CD84: variants seen among roughly 807,000 people sequenced by gnomAD.
CD84 encodes the protein SLAM family member 5.
A neutral mutation model predicts 33.8 loss-of-function variants in CD84; 22 were observed. That is an observed-to-expected ratio of 0.65 (90% CI 0.46 to 0.93). CD84 has a LOEUF of 0.93. CD84 is among the 40% of genes least tolerant of loss of function. CD84 has a pLI of 0.00. For missense variants in CD84, 400 were observed against 397.6 expected, an observed-to-expected ratio of 1.01 and a Z score of -0.05; for synonymous variants, 154 against 145.2, an observed-to-expected ratio of 1.06 and a Z score of -0.44.
At chr1:160,560,391 T>A (rs954504730) in intron 2 of CD84, among the ~76,000 whole-genome samples, 2 of 152,200 alleles carry the variant, frequency 1.3e-5, no homozygotes, top group Non-Finnish European at 2.9e-5. Flanking sequence ...TGTTCCTGAA[T>A]GACTCTTGGG....
At chr1:160,579,086 C>A (rs944817291) in intron 1 of CD84, among the ~76,000 whole-genome samples, 1 of 152,076 alleles carries the variant, frequency 6.6e-6, no homozygotes, top group Admixed American at 6.6e-5. Flanking sequence ...TTTTGCCAGG[C>A]TTTTTGGGTG....
intron 4 of CD84, among the ~76,000 whole-genome samples, chr1:160,552,009 A>T (rs1177110981): frequency 1.3e-5 from 2 of 152,214 alleles, no homozygotes; most frequent in Non-Finnish European, 2.9e-5. Context: ...CTAACACAGA[A>T]CATTTTAGGG....
chr1:160,565,115 C>T (rs1657234979), intron 2 of CD84, among the ~76,000 whole-genome samples: 1 of 151,928 alleles, frequency 6.6e-6, no homozygotes, highest in Admixed American at 6.6e-5. Flanking sequence ...TCATTTGATC[C>T]TCATGATAAC....
intron 1 of CD84, among the ~76,000 whole-genome samples, chr1:160,569,333 G>A (rs1045280178): frequency 2.6e-5 from 4 of 151,850 alleles, no homozygotes; most frequent in Admixed American, 2.6e-4. Flanking sequence ...ATTTTTCTGG[G>A]TGCTAAAGGG....
In CD84 at chr1:160,579,377, A is replaced by G; in HGVS notation, c.46+15T>C. ...ATGGAAAACTAGGAGGCGATCAGCA[A>G]GGGTCAGAACTCACAGGTTTGCAGG... On this transcript the variant is annotated intron_variant, in intron 1 of 6. Transcript: ENST00000368054. 1 of 1,613,106 alleles carries G rather than the reference A, an allele frequency of 6.2e-7. No individual in the cohort carries two copies.
intron 2 of CD84, among the ~76,000 whole-genome samples, chr1:160,560,225 T>C (rs1232590363): frequency 2.0e-5 from 3 of 152,114 alleles, no homozygotes; most frequent in African/African-American, 4.8e-5. Context: ...TACTTTAAAA[T>C]TGATCACATA....
At chr1:160,567,451 T>C (rs939555170) in intron 1 of CD84, among the ~76,000 whole-genome samples, 2 of 152,070 alleles carry the variant, frequency 1.3e-5, no homozygotes, top group African/African-American at 4.8e-5. Context: ...GTTGGCTAAG[T>C]ACAGAAGATA....
intron 4 of CD84, chr1:160,552,973 GTA>G: frequency 1.7e-6 from 1 of 583,108 alleles, no homozygotes; most frequent in Non-Finnish European, 3.1e-6. Context: ...TACAGGATTA[GTA>G]TATGTTTCTC....
chr1:160,548,310 G>A lies in CD84; in HGVS notation c.933C>T (p.Ala311=). ...EVQFADKMGK[A]STQDSKPPGT... is the part of the protein sequence containing the mutation. ...CAGGAGGTTTACTGTCCTGTGTGCT[G>A]GCTTTCCCCATCTGTGCAGGAGAGA... Residue 311 remains alanine (A), a synonymous_variant, in exon 7 of 7, where the codon GCC becomes GCT. Transcript: ENST00000368054. 1 of 1,614,162 alleles carries A rather than the reference G, an allele frequency of 6.2e-7. No homozygotes were observed. Among genetic ancestry groups the A allele is most frequent in the Non-Finnish European group, 8.5e-7 (1 of 1,180,024 alleles).
Position 160,548,236 on chromosome 1 carries a change from G to A in CD84, c.*20C>T, listed in dbSNP as rs753392964. The A allele has an allele frequency of 1.9e-6, 3 of 1,613,598 alleles. No individual in the cohort carries two copies. Among genetic ancestry groups the A allele is most frequent in the South Asian group, 1.1e-5 (1 of 91,074 alleles). On this transcript the variant is annotated 3_prime_UTR_variant, in exon 7 of 7. Transcript: ENST00000368054. ...GGTGGTTGTAACTCAGTTTCCAGAG[G>A]GAGAATTCAGCCCAGCAGCCTAGAT...
In CD84 at chr1:160,543,598, A is replaced by ATTGT; in HGVS notation, c.*4657_*4658insACAA. 1.5e-5 allele frequency: 1 copy of ATTGT among 67,464 alleles called. No individual in the cohort carries two copies. The highest frequency in any genetic ancestry group is 3.7e-5 in the Non-Finnish European group (1 of 27,100). The allele number at this position is 67,464 out of a possible 1,614,324, so 4.2% of individuals were successfully genotyped here. On this transcript the variant is annotated 3_prime_UTR_variant, in exon 7 of 7. Transcript: ENST00000368054. ...CCCTATCTTCAAGGAGCTCTCCATT[A>ATTGT]TTATTTATTATTATTATTATTATTA...
chr1:160,557,188 C>T (rs1162387574), intron 2 of CD84, among the ~76,000 whole-genome samples: 1 of 152,184 alleles, frequency 6.6e-6, no homozygotes, highest in Non-Finnish European at 1.5e-5. Flanking sequence ...AGAGGTTAAA[C>T]AACTTGCCCA....
At chr1:160,563,367 T>C (rs56984976) in intron 2 of CD84, among the ~76,000 whole-genome samples, 7,813 of 152,120 alleles carry the variant, frequency 0.051, 678 homozygotes, top group African/African-American at 0.18. Flanking sequence ...CAATGATAGA[T>C]TGGATAAAGA....
intron 4 of CD84, chr1:160,552,831 G>A: frequency 1.1e-6 from 1 of 895,514 alleles, no homozygotes; most frequent in Non-Finnish European, 1.8e-6. Flanking sequence ...TTCTTGGGTG[G>A]ACATGGGATG....
At chr1:160,562,312 C>G (rs1424978840) in intron 2 of CD84, among the ~76,000 whole-genome samples, 1 of 152,092 alleles carries the variant, frequency 6.6e-6, no homozygotes, top group Non-Finnish European at 1.5e-5. Context: ...ATCACACTAC[C>G]CAACTTCAAA....
chr1:160,575,909 C>A (rs1371230498), intron 1 of CD84, among the ~76,000 whole-genome samples: 2 of 152,294 alleles, frequency 1.3e-5, no homozygotes, highest in Middle Eastern at 3.4e-3. Flanking sequence ...CCGCTGCCTT[C>A]CACTGAAGGC....
chr1:160,569,881 T>G (rs927256579), intron 1 of CD84, among the ~76,000 whole-genome samples: 2 of 152,036 alleles, frequency 1.3e-5, no homozygotes, highest in Non-Finnish European at 2.9e-5. Context: ...ACAAATTAGG[T>G]TTAGATTTGA....
chr1:160,565,997 A>G (rs1048449773), intron 1 of CD84, among the ~76,000 whole-genome samples: 39 of 152,028 alleles, frequency 2.6e-4, no homozygotes, highest in Non-Finnish European at 2.9e-5. Flanking sequence ...AAATATTTTT[A>G]CCTAGACTTA....
At position 160,545,641 on chromosome 1, in the gene CD84, A is replaced by AT. The variant is rs1265800547; in HGVS notation, c.*2614dup. 6.6e-6 allele frequency: 1 copy of AT among 151,894 alleles called. No individual in the cohort carries two copies. Among genetic ancestry groups the AT allele is most frequent in the East Asian group, 1.9e-4 (1 of 5,192 alleles). The allele number at this position is 151,894 out of a possible 1,614,324, so 9.4% of individuals were successfully genotyped here. On this transcript the variant is annotated 3_prime_UTR_variant, in exon 7 of 7. Coordinates refer to ENST00000368054, the MANE Select transcript of CD84 (RefSeq NM_003874.4). The stretch of plus-strand genomic sequence containing the variant: ...CCTGATATTATTTTATTTTATTTTT[A>AT]TTTTTTGAGACATGGTCTCACTCTG...
Sources: allele counts gnomAD v4.1 joint callset (sites outside exome capture counted in the v4.1 genomes callset), GRCh38; gene constraint gnomAD v4.1.1; transcripts MANE v1.5; gene names NCBI Gene and HGNC (gene_info 2026-07-23, HGNC 2026-07-21).